The following APC2 variants were observed in gnomAD, a reference collection of about 807,000 sequenced individuals.
The protein encoded by APC2 is adenomatous polyposis coli protein 2.
In APC2, 41 loss-of-function variants were observed where a neutral mutation model predicts 72.5. That is an observed-to-expected ratio of 0.57 (90% CI 0.44 to 0.73). The LOEUF (loss-of-function observed/expected upper bound fraction) is 0.73. Ranked by LOEUF, APC2 falls within the 30% of genes least tolerant of loss-of-function variation. APC2 has a pLI of 0.00. For missense variants in APC2, 3,729 were observed against 3,403.4 expected, an observed-to-expected ratio of 1.10 and a Z score of -2.38; for synonymous variants, 1,898 against 1,612.0, an observed-to-expected ratio of 1.18 and a Z score of -4.25.
chr19:1,455,475 C>A lies in APC2; in HGVS notation c.614C>A (p.Ser205Ter). Residue 205 changes from serine to a stop codon, truncating the protein, a stop_gained, in exon 6 of 15, where the codon TCG (serine) becomes TAG (stop). Transcript: ENST00000590469. LOFTEE classifies it high-confidence loss of function. The stretch of plus-strand genomic sequence containing the variant: ...CTGATGGAGGAGCGCTTCGGCACCT[C>A]GGACGAGATGGTGCAGCGGGCACAG... ...RSLMEERFGT[S>*]DEMVQRAQIR... The A allele has an allele frequency of 6.2e-7, 1 of 1,603,478 alleles. No homozygotes were observed. Among genetic ancestry groups the A allele is most frequent in the Non-Finnish European group, 8.5e-7 (1 of 1,175,514 alleles).
upstream of APC2, among the ~76,000 whole-genome samples, chr19:1,446,637 C>T (rs1229105892): frequency 6.6e-6 from 1 of 152,066 alleles, no homozygotes; most frequent in African/African-American, 2.4e-5. This position sits in a 1 kb window ranked among gnomAD's most constrained non-coding sequence, Gnocchi z 6.1. Context: ...GACCCTCGGA[C>T]CCCTCCTCAC....
rs758972605 is a variant in APC2, at chr19:1,467,894, G to A, written c.4593G>A (p.Ser1531=). Residue 1531 remains serine, a synonymous_variant, in exon 15 of 15, where the codon TCG becomes TCA. Coordinates refer to ENST00000590469, the MANE Select transcript of APC2 (RefSeq NM_005883.3). ...AAPTPTHRRT[S]AIPRAFTRER... The stretch of plus-strand genomic sequence containing the variant: ...CCACGCCAACCCACCGGCGCACATC[G>A]GCCATCCCTCGCGCTTTTACGCGGG... 1.9e-6 allele frequency: 3 copies of A among 1,581,214 alleles called. No individual in the cohort carries two copies. The highest frequency in any genetic ancestry group is 1.7e-4 in the Middle Eastern group (1 of 5,934).
chr19:1,469,321 G>T lies in APC2; in HGVS notation c.6020G>T (p.Arg2007Leu), dbSNP rs1226794809. ...FIKESPGLRR[R>L]RSELSSAESA... Reference sequence around the variant, plus strand: ...AAGGAGTCGCCGGGCTTGCGGCGCCGCCGCTCCGAGCTGTCCTCGGCCGAG... The same window carrying T: ...AAGGAGTCGCCGGGCTTGCGGCGCCTCCGCTCCGAGCTGTCCTCGGCCGAG... Residue 2007 changes from arginine to leucine, a missense_variant, in exon 15 of 15, where the codon CGC becomes CTC. Transcript: ENST00000590469. 29 of 1,409,834 alleles carry T rather than the reference G, an allele frequency of 2.1e-5. No individual in the cohort carries two copies. Among genetic ancestry groups the T allele is most frequent in the Non-Finnish European group, 6.5e-6 (7 of 1,078,320 alleles). 87.3% of individuals were successfully genotyped at this position (1,409,834 alleles called of 1,614,324 possible). A position where few individuals can be genotyped will look rare whatever the true frequency, so the allele number is the denominator to read the frequency against.
At chr19:1,448,802 C>A (rs2083710586), upstream of APC2, among the ~76,000 whole-genome samples, 1 of 150,798 alleles carries the variant, frequency 6.6e-6, no homozygotes, top group South Asian at 2.1e-4. Flanking sequence ...CGAGAACGTG[C>A]CACTGCACTC....
chr19:1,464,293 G>C (rs1228170961), intron 14 of APC2, among the ~76,000 whole-genome samples: 1 of 151,332 alleles, frequency 6.6e-6, no homozygotes, highest in Non-Finnish European at 1.5e-5. Flanking sequence ...TGGGTAACAA[G>C]AGTGAAACTC....
chr19:1,456,729 C>T, intron 8 of APC2, 124 bp from the exon 9 acceptor site: 1 of 1,252,478 alleles, frequency 8.0e-7, no homozygotes, highest in Non-Finnish European at 1.1e-6. Flanking sequence ...GTCCCCTCAT[C>T]TGTCCCCCAG....
Position 1,471,478 on chromosome 19 carries a change from A to C in APC2, c.*1265A>C, listed in dbSNP as rs539149679. On this transcript the variant is annotated 3_prime_UTR_variant, in exon 15 of 15. Coordinates refer to ENST00000590469, the MANE Select transcript of APC2 (RefSeq NM_005883.3). The stretch of plus-strand genomic sequence containing the variant: ...AGGGCCTGAGGGGCTCGGCTGCCTC[A>C]TCCCCTGGCGGGGGAGGCTGGGAGC... 5.9e-5 allele frequency: 9 copies of C among 152,348 alleles called. No homozygotes were observed. Among genetic ancestry groups the C allele is most frequent in the African/African-American group, 2.2e-4 (9 of 41,574 alleles). 9.4% of individuals were successfully genotyped at this position (152,348 alleles called of 1,614,324 possible). A position where few individuals can be genotyped will look rare whatever the true frequency, so the allele number is the denominator to read the frequency against.
Position 1,456,889 on chromosome 19 carries a change from A to T in APC2, c.853A>T (p.Thr285Ser), listed in dbSNP as rs1271556686. The change falls in exon 9 of 15, where the codon ACG becomes TCG. Residue 285 changes from threonine to serine, a missense_variant. Thr to Ser is a moderately conservative substitution (Grantham distance 58, BLOSUM62 1). Transcript: ENST00000590469. Reference protein sequence around the residue: ...VVFWLLSMLATRDQEDTARTL... With the variant: ...VVFWLLSMLASRDQEDTARTL... ...CTTCTGGCTGTTGTCCATGTTGGCG[A>T]CGCGCGACCAGGAGGATACAGCGCG... The T allele has an allele frequency of 3.8e-6, 6 of 1,591,670 alleles. No homozygotes were observed. Among genetic ancestry groups the T allele is most frequent in the Non-Finnish European group, 4.3e-6 (5 of 1,175,746 alleles).
At position 1,465,169 on chromosome 19, in the gene APC2, A is replaced by G; in HGVS notation, c.1868A>G (p.Asp623Gly). 1 of 1,602,302 alleles carries G rather than the reference A, an allele frequency of 6.2e-7. No individual in the cohort carries two copies. The highest frequency in any genetic ancestry group is 8.5e-7 in the Non-Finnish European group (1 of 1,175,418). ...TREDYRQVLR[D>G]HNCLQTLLQH... ...TGTGCCTACAGGCAGGTGCTCCGGG[A>G]TCACAACTGTCTGCAGACGCTGCTG... Residue 623 changes from aspartate (D) to glycine (G), a missense_variant, in exon 15 of 15, where the codon GAT becomes GGT. Asp to Gly is a moderately conservative substitution (Grantham distance 94). Coordinates refer to ENST00000590469, the MANE Select transcript of APC2 (RefSeq NM_005883.3).
rs1044657727 is a variant in APC2 at position 1,469,956 on chromosome 19, G to A, written c.6655G>A (p.Ala2219Thr). The change falls in exon 15 of 15, where the codon GCC (alanine) becomes ACC (threonine). Residue 2219 changes from alanine to threonine, a missense_variant. Ala to Thr is a moderately conservative substitution (Grantham distance 58). Coordinates refer to ENST00000590469, the MANE Select transcript of APC2 (RefSeq NM_005883.3). ...GACCAGGGAGCCCCCCGGGGCCCCCGCCGGCGGCCAGCTCTCCCTCCTCGG... is the reference window on the plus strand; with the variant it reads ...GACCAGGGAGCCCCCCGGGGCCCCCACCGGCGGCCAGCTCTCCCTCCTCGG... ...LETREPPGAP[A>T]GGQLSLLGSD... The A allele has an allele frequency of 6.6e-7, 1 of 1,513,194 alleles. No homozygotes were observed. The highest frequency in any genetic ancestry group is 1.4e-5 in the African/African-American group (1 of 70,330). The allele number at this position is 1,513,194 out of a possible 1,614,324, so 93.7% of individuals were successfully genotyped here. A position where few individuals can be genotyped will look rare whatever the true frequency, so the allele number is the denominator to read the frequency against.
At position 1,466,440 on chromosome 19, in the gene APC2, C is replaced by A; in HGVS notation, c.3139C>A (p.Pro1047Thr). Residue 1047 changes from proline to threonine, a missense_variant, in exon 15 of 15, where the codon CCG becomes ACG. Coordinates refer to ENST00000590469, the MANE Select transcript of APC2 (RefSeq NM_005883.3). ...SKVPEKLAAA[P>T]LSVASKALQK... ...GGTTCCCGAGAAGCTGGCGGCTGCC[C>A]CGCTGTCTGTGGCCAGCAAGGCACT... is the stretch of plus-strand genomic sequence containing the variant. The A allele has an allele frequency of 6.3e-7, 1 of 1,597,562 alleles. No individual in the cohort carries two copies. The highest frequency in any genetic ancestry group is 1.3e-5 in the African/African-American group (1 of 75,024).
Position 1,472,935 on chromosome 19 carries a change from C to T in APC2, c.*2722C>T, listed in dbSNP as rs2084159787. 6.6e-6 allele frequency: 1 copy of T among 152,302 alleles called. No individual in the cohort carries two copies. The highest frequency in any genetic ancestry group is 1.5e-5 in the Non-Finnish European group (1 of 68,110). 9.4% of individuals were successfully genotyped at this position (152,302 alleles called of 1,614,324 possible). A position where few individuals can be genotyped will look rare whatever the true frequency, so the allele number is the denominator to read the frequency against. On this transcript the variant is annotated 3_prime_UTR_variant, in exon 15 of 15. Coordinates refer to ENST00000590469, the MANE Select transcript of APC2 (RefSeq NM_005883.3). ...CCGCCACTGGCCCCCAACATGACCA[C>T]ACGTGGGTGCTGAACTCGGGGCGCC...
intron 13 of APC2, 132 bp from the exon 14 acceptor site, chr19:1,461,831 G>A (rs1342773970): frequency 1.4e-6 from 1 of 727,404 alleles, no homozygotes; most frequent in African/African-American, 1.8e-5. Context: ...CAGCCTGGGG[G>A]AGAGAGTGAG....
rs377124131 is a variant in APC2 at position 1,466,954 on chromosome 19, C to T, written c.3653C>T (p.Pro1218Leu). The T allele has an allele frequency of 6.2e-7, 1 of 1,603,730 alleles. No individual in the cohort carries two copies. The highest frequency in any genetic ancestry group is 8.5e-7 in the Non-Finnish European group (1 of 1,175,580). ...CGGAGCAAGACGCCACCGCTGGCGC[C>T]CGCGCCACAGGGTCCCCCCGAGGCC... The part of the protein sequence containing the change: ...PSRSKTPPLA[P>L]APQGPPEATQ... Residue 1218 changes from proline (P) to leucine (L), a missense_variant, in exon 15 of 15, where the codon CCC becomes CTC. Coordinates refer to ENST00000590469, the MANE Select transcript of APC2 (RefSeq NM_005883.3).
rs1230749789 is a variant in APC2 at position 1,468,836 on chromosome 19, G to A, written c.5535G>A (p.Arg1845=). The change falls in exon 15 of 15, where the codon CGG becomes CGA. Residue 1845 remains arginine (R), a synonymous_variant. Transcript: ENST00000590469. ...PGQQRSRSLH[R]PAKTSELATL... ...AGCAGCGGTCGCGGAGCCTACACCG[G>A]CCTGCCAAGACCTCGGAGCTGGCGA... is the stretch of plus-strand genomic sequence containing the variant. 1.4e-5 allele frequency: 21 copies of A among 1,551,682 alleles called. No individual in the cohort carries two copies. The highest frequency in any genetic ancestry group is 7.3e-5 in the Admixed American group (4 of 54,788).
Position 1,470,263 on chromosome 19 carries a change from T to C in APC2, c.*50T>C, listed in dbSNP as rs1324053563. On this transcript the variant is annotated 3_prime_UTR_variant, in exon 15 of 15. Transcript: ENST00000590469. The stretch of plus-strand genomic sequence containing the variant: ...GTTCTCTCCCGGCCCTGCGGCGCGG[T>C]CTGGCTGCCCCATGGGCCTGCGCTG... The C allele has an allele frequency of 6.6e-7, 1 of 1,512,776 alleles. No individual in the cohort carries two copies. The highest frequency in any genetic ancestry group is 8.8e-7 in the Non-Finnish European group (1 of 1,132,592). The allele number at this position is 1,512,776 out of a possible 1,614,324, so 93.7% of individuals were successfully genotyped here. A position where few individuals can be genotyped will look rare whatever the true frequency, so the allele number is the denominator to read the frequency against.
chr19:1,461,578 C>T (rs918015205), intron 13 of APC2: 26 of 308,292 alleles, frequency 8.4e-5, no homozygotes, highest in African/African-American at 3.9e-4. Context: ...CTGGGCCGGG[C>T]GCGGTGGCTC....
chr19:1,455,537 G>A, intron 6 of APC2, 37 bp downstream of exon 6: 4 of 1,566,586 alleles, frequency 2.6e-6, no homozygotes, highest in Non-Finnish European at 3.5e-6. Flanking sequence ...CGGTAGGCGG[G>A]GCCCTGCGCC....
rs988558211 is a variant in APC2 at position 1,470,420 on chromosome 19, G to A, written c.*207G>A. ...GCCTCTGTGCCGCGGAGGTCCAGGA[G>A]GAAACGGGGCGGCCGCTAGGCCTCA... On this transcript the variant is annotated 3_prime_UTR_variant, in exon 15 of 15. Transcript: ENST00000590469. 1.3e-6 allele frequency: 1 copy of A among 746,070 alleles called. No individual in the cohort carries two copies. 46.2% of individuals were successfully genotyped at this position (746,070 alleles called of 1,614,324 possible).
Sources: allele counts gnomAD v4.1 joint callset (sites outside exome capture counted in the v4.1 genomes callset), GRCh38; gene constraint gnomAD v4.1.1; non-coding constraint Gnocchi (gnomAD v3.1); transcripts MANE v1.5; gene names NCBI Gene and HGNC (gene_info 2026-07-23, HGNC 2026-07-21).